CTIF: variants seen among roughly 807,000 people sequenced by gnomAD.
CTIF encodes the protein CBP80/20-dependent translation initiation factor.
Under a neutral mutation model 66.0 loss-of-function variants are expected in CTIF, and 21 were observed. The observed-to-expected ratio is 0.32, with a 90% CI of 0.23 to 0.46. CTIF has a LOEUF of 0.46. Among genes scored for constraint, CTIF ranks in the 20% least tolerant of loss-of-function variants. The pLI is 1.00. For missense variants in CTIF, 739 were observed against 812.7 expected, an observed-to-expected ratio of 0.91 and a Z score of 1.10; for synonymous variants, 345 against 326.4, an observed-to-expected ratio of 1.06 and a Z score of -0.62.
intron 10 of CTIF, among the ~76,000 whole-genome samples, chr18:48,852,637 G>GC (rs553922815): frequency 1.7e-3 from 254 of 152,356 alleles, no homozygotes; most frequent in African/African-American, 5.8e-3. Context: ...AGGGGTCACT[G>GC]CCCCAGAGTA....
chr18:48,650,240 T>G (rs1157956791), intron 3 of CTIF, among the ~76,000 whole-genome samples: 1 of 152,192 alleles, frequency 6.6e-6, no homozygotes, highest in South Asian at 2.1e-4. Flanking sequence ...GAAAAAAGAT[T>G]AGACAAATGG....
At chr18:48,721,288 G>A (rs760551289) in intron 7 of CTIF, among the ~76,000 whole-genome samples, 50 of 152,212 alleles carry the variant, frequency 3.3e-4, no homozygotes, top group Non-Finnish European at 6.0e-4. Context: ...AACTGGCCCT[G>A]GAGAGATAAA....
intron 7 of CTIF, among the ~76,000 whole-genome samples, chr18:48,755,048 CA>C (rs1191313306): frequency 1.3e-5 from 2 of 152,140 alleles, no homozygotes; most frequent in Non-Finnish European, 2.9e-5. Flanking sequence ...GGAAACCAGG[CA>C]GTTTCAAGAC....
intron 9 of CTIF, among the ~76,000 whole-genome samples, chr18:48,793,818 C>G (rs573762503): frequency 1.3e-5 from 2 of 152,266 alleles, no homozygotes; most frequent in African/African-American, 4.8e-5. Flanking sequence ...AGTGCCATTT[C>G]CCCAGGAAAG....
At chr18:48,689,467 G>T (rs535579476) in intron 6 of CTIF, among the ~76,000 whole-genome samples, 104 of 152,162 alleles carry the variant, frequency 6.8e-4, no homozygotes, top group Non-Finnish European at 1.3e-3. Context: ...TTTCTAGAAG[G>T]CCAAACTTTG....
At chr18:48,689,510 C>T (rs374906275) in intron 6 of CTIF, among the ~76,000 whole-genome samples, 5 of 152,156 alleles carry the variant, frequency 3.3e-5, no homozygotes, top group East Asian at 1.9e-4. Flanking sequence ...GAGAACCCTC[C>T]GCTGAAGGGT....
At chr18:48,771,470 A>T (rs1041047985) in intron 9 of CTIF, among the ~76,000 whole-genome samples, 1 of 152,212 alleles carries the variant, frequency 6.6e-6, no homozygotes, top group Non-Finnish European at 1.5e-5. Flanking sequence ...CTTCTGGGCC[A>T]GGAGAGCTTT....
chr18:48,718,780 C>G (rs1307028862), intron 7 of CTIF, among the ~76,000 whole-genome samples: 1 of 152,210 alleles, frequency 6.6e-6, no homozygotes, highest in African/African-American at 2.4e-5. Flanking sequence ...ACCCTTATAT[C>G]TGTTCTCCAG....
At chr18:48,713,704 G>A (rs1220527951) in intron 7 of CTIF, among the ~76,000 whole-genome samples, 2 of 152,182 alleles carry the variant, frequency 1.3e-5, no homozygotes, top group South Asian at 2.1e-4. Flanking sequence ...ACATCGTGCC[G>A]TGAAACTCAT....
intron 7 of CTIF, among the ~76,000 whole-genome samples, chr18:48,730,889 A>G (rs4076477): frequency 0.082 from 12,423 of 152,044 alleles, 637 homozygotes; most frequent in South Asian, 0.18. Context: ...GGGCTTCCAC[A>G]GTGGACCATG....
At chr18:48,723,207 A>G (rs1394282390) in intron 7 of CTIF, among the ~76,000 whole-genome samples, 1 of 151,948 alleles carries the variant, frequency 6.6e-6, no homozygotes, top group African/African-American at 2.4e-5. Flanking sequence ...GCTGCCTCCT[A>G]CATACTCCCC....
chr18:48,585,261 T>G (rs2089742245), intron 1 of CTIF, among the ~76,000 whole-genome samples: 1 of 152,232 alleles, frequency 6.6e-6, no homozygotes, highest in East Asian at 1.9e-4. Flanking sequence ...ATCTTTATGT[T>G]GAAATATAGG....
chr18:48,731,555 C>T (rs1196473875), intron 7 of CTIF, among the ~76,000 whole-genome samples: 1 of 152,188 alleles, frequency 6.6e-6, no homozygotes, highest in East Asian at 1.9e-4. Flanking sequence ...CCTAACTCAG[C>T]TTAGGGACCT....
intron 1 of CTIF, among the ~76,000 whole-genome samples, chr18:48,549,668 T>G (rs2088836994): frequency 6.6e-6 from 1 of 152,198 alleles, no homozygotes; most frequent in Admixed American, 6.5e-5. Context: ...TTGTCTGTCT[T>G]AATTTGTCAG....
rs2144909068 is a variant in CTIF at position 48,663,740 on chromosome 18, CAT to C, written c.253-11_253-10del. On this transcript the variant is annotated splice_polypyrimidine_tract_variant and intron_variant, in intron 3 of 11. Transcript: ENST00000256413. ...CAATTAATGTCAGCCCTTTCACCCC[CAT>C]CTCTTCCAGAATGGCAGCAAAGACA... The C allele has an allele frequency of 6.2e-7, 1 of 1,613,644 alleles. No individual in the cohort carries two copies. The highest frequency in any genetic ancestry group is 8.5e-7 in the Non-Finnish European group (1 of 1,179,596).
chr18:48,850,751 G>A (rs950676959), intron 10 of CTIF, among the ~76,000 whole-genome samples: 1 of 152,208 alleles, frequency 6.6e-6, no homozygotes, highest in Non-Finnish European at 1.5e-5. Flanking sequence ...CTGACACAGA[G>A]CAGCAGGTGG....
chr18:48,559,947 A>C (rs926074948), intron 1 of CTIF, among the ~76,000 whole-genome samples: 2 of 152,166 alleles, frequency 1.3e-5, no homozygotes, highest in African/African-American at 4.8e-5. Flanking sequence ...CCCCTAAATA[A>C]ATACAAATAA....
intron 5 of CTIF, 79 bp from the exon 6 acceptor site, chr18:48,670,590 C>T: frequency 7.5e-7 from 1 of 1,326,588 alleles, no homozygotes; most frequent in Non-Finnish European, 1.1e-6. Context: ...CTGACTGTCC[C>T]TCCTCTCCTG....
intron 9 of CTIF, among the ~76,000 whole-genome samples, chr18:48,769,605 C>A (rs982450633): frequency 6.6e-6 from 1 of 152,212 alleles, no homozygotes; most frequent in Admixed American, 6.5e-5. Flanking sequence ...GGAGCTTGAC[C>A]CCTGCCCAGG....
Sources: gnomAD v4.1 joint callset for allele counts (sites outside exome capture counted in the v4.1 genomes callset) on GRCh38, gnomAD v4.1.1 for gene constraint, MANE v1.5 for transcripts, NCBI Gene and HGNC (gene_info 2026-07-23, HGNC 2026-07-21) for gene names.